Variants in RASSF6 observed in about 807,000 individuals in gnomAD.
RASSF6 encodes the protein ras association domain-containing protein 6.
Under a neutral mutation model 44.0 loss-of-function variants are expected in RASSF6, and 52 were observed. The observed-to-expected ratio is 1.18, with a 90% confidence interval of 0.95 to 1.49. The LOEUF (loss-of-function observed/expected upper bound fraction) is 1.49. Among genes scored for constraint, RASSF6 ranks in the 40% most tolerant of loss-of-function variants. The pLI, the probability that RASSF6 is intolerant of heterozygous loss-of-function variation, is 0.00. For missense variants in RASSF6, 464 were observed against 393.3 expected, an observed-to-expected ratio of 1.18 and a Z score of -1.52; for synonymous variants, 162 against 124.6, an observed-to-expected ratio of 1.30 and a Z score of -2.00.
chr4:73,617,377 T>A (rs1248932364), intron 1 of RASSF6, among the ~76,000 whole-genome samples: 6 of 152,152 alleles, frequency 3.9e-5, no homozygotes, highest in Non-Finnish European at 8.8e-5. Flanking sequence ...AGAAGCAAAT[T>A]TGTATTAAGG....
At chr4:73,599,646 C>G (rs1422985586) in intron 2 of RASSF6, among the ~76,000 whole-genome samples, 1 of 152,124 alleles carries the variant, frequency 6.6e-6, no homozygotes, top group Non-Finnish European at 1.5e-5. Flanking sequence ...TTGAGATGCT[C>G]CTCTTGAGAT....
rs76383914 is a variant in RASSF6, at chr4:73,597,883, T to A, written c.144+757A>T. On this transcript the variant is annotated intron_variant, in intron 3 of 10. Transcript: ENST00000307439. Reference sequence around the variant, plus strand: ...TGCAGGTATAGAAAACCTAATACTGTTTGCTTTCACTTATAAGTGGGAGCT... The same window carrying A: ...TGCAGGTATAGAAAACCTAATACTGATTGCTTTCACTTATAAGTGGGAGCT... Among the ~76,000 whole-genome samples, 226 of 152,236 alleles carry A rather than the reference T, an allele frequency of 1.5e-3. 5 individuals carry two copies. The East Asian group carries it at 0.039, about 26-fold the overall frequency.
At chr4:73,594,263 G>T (rs1015916336) in intron 3 of RASSF6, among the ~76,000 whole-genome samples, 1 of 152,152 alleles carries the variant, frequency 6.6e-6, no homozygotes, top group Non-Finnish European at 1.5e-5. Context: ...TTAAAGTAAT[G>T]TTTTCTGTTA....
At chr4:73,583,660 A>G (rs1348700423) in intron 6 of RASSF6, among the ~76,000 whole-genome samples, 64 of 152,130 alleles carry the variant, frequency 4.2e-4, no homozygotes, top group Non-Finnish European at 1.0e-4. Flanking sequence ...GTTTTCTGCT[A>G]GTTATTAAAT....
Position 73,576,627 on chromosome 4 carries a change from C to G in RASSF6, c.826G>C (p.Glu276Gln), listed in dbSNP as rs1189877342. The G allele has an allele frequency of 6.2e-7, 1 of 1,612,610 alleles. No individual in the cohort carries two copies. The highest frequency in any genetic ancestry group is 8.5e-7 in the Non-Finnish European group (1 of 1,178,766). ...GGTATTCATACATCACTGCTAATTT[C>G]TTCTGCATCTTTATCCATGAGGAAA... ...RIFLMDKDAEEISSDVAQYIN... is the reference protein window; with the variant it reads ...RIFLMDKDAEQISSDVAQYIN... The change falls in exon 9 of 11, where the codon GAA becomes CAA. Residue 276 changes from glutamate to glutamine, a missense_variant. Coordinates refer to ENST00000307439, the MANE Select transcript of RASSF6 (RefSeq NM_177532.5).
rs1723705992 is a variant in RASSF6, at chr4:73,582,196, T to TACC, written c.661_662insGGT (p.Lys221delinsArgTer). ...TTAAGTGATAAAGGTTACCTTAAAT[T>TACC]TTTGGAGAAGTTGCTTTATTACTTC... On this transcript the variant is annotated stop_gained and protein_altering_variant, in exon 7 of 11. Coordinates refer to ENST00000307439, the MANE Select transcript of RASSF6 (RefSeq NM_177532.5). LOFTEE classifies it high-confidence loss of function. 6.6e-7 allele frequency: 1 copy of TACC among 1,517,280 alleles called. No individual in the cohort carries two copies. Among genetic ancestry groups the TACC allele is most frequent in the South Asian group, 1.2e-5 (1 of 84,772 alleles). 94.0% of individuals were successfully genotyped at this position (1,517,280 alleles called of 1,614,324 possible). A position where few individuals can be genotyped will look rare whatever the true frequency, so the allele number is the denominator to read the frequency against.
rs1267146738 is a variant in RASSF6, at chr4:73,583,683, C to A, written c.568-1393G>T. ...CTAGTTATTAAATTGCAGTGAATGACATTTGTGTAAAATATCTATAGTCCC... is the reference window on the plus strand; with the variant it reads ...CTAGTTATTAAATTGCAGTGAATGAAATTTGTGTAAAATATCTATAGTCCC... On this transcript the variant is annotated intron_variant, in intron 6 of 10. Coordinates refer to ENST00000307439, the MANE Select transcript of RASSF6 (RefSeq NM_177532.5). Among the ~76,000 whole-genome samples, 4 of 152,068 alleles carry A rather than the reference C, an allele frequency of 2.6e-5. No homozygotes were observed. The East Asian group carries it at 7.7e-4, about 29-fold the overall frequency.
chr4:73,575,372 A>C lies in RASSF6; in HGVS notation c.*863T>G, dbSNP rs1723143111. 6.6e-6 allele frequency: 1 copy of C among 152,016 alleles called. No homozygotes were observed. The highest frequency in any genetic ancestry group is 2.1e-4 in the South Asian group (1 of 4,822). The allele number at this position is 152,016 out of a possible 1,614,324, so 9.4% of individuals were successfully genotyped here. On this transcript the variant is annotated 3_prime_UTR_variant, in exon 11 of 11. Coordinates refer to ENST00000307439, the MANE Select transcript of RASSF6 (RefSeq NM_177532.5). The stretch of plus-strand genomic sequence containing the variant: ...TTGTCATGTAGAATAAGATGCTAAG[A>C]GGGCAGAGTTTGGGATTCCCTATGT...
chr4:73,586,260 A>C (rs1053283252), intron 5 of RASSF6, among the ~76,000 whole-genome samples: 2 of 151,894 alleles, frequency 1.3e-5, no homozygotes, highest in Non-Finnish European at 2.9e-5. Flanking sequence ...GTTGTCCACT[A>C]TCCTATTATT....
At chr4:73,583,355 T>C (rs1055654168) in intron 6 of RASSF6, among the ~76,000 whole-genome samples, 2 of 152,180 alleles carry the variant, frequency 1.3e-5, no homozygotes, top group Non-Finnish European at 2.9e-5. Flanking sequence ...TTTATATCAG[T>C]TGTGTTGGCC....
At chr4:73,607,778 C>G (rs1725739751) in intron 2 of RASSF6, among the ~76,000 whole-genome samples, 1 of 152,102 alleles carries the variant, frequency 6.6e-6, no homozygotes, top group Admixed American at 6.6e-5. Context: ...TGAGCTACAG[C>G]TTCAGATTGC....
At position 73,582,300 on chromosome 4, in the gene RASSF6, G is replaced by T. The variant is rs750572992; in HGVS notation, c.568-10C>A. The T allele has an allele frequency of 2.8e-6, 4 of 1,419,094 alleles. No individual in the cohort carries two copies. The highest frequency in any genetic ancestry group is 3.9e-6 in the Non-Finnish European group (4 of 1,015,382). The allele number at this position is 1,419,094 out of a possible 1,614,324, so 87.9% of individuals were successfully genotyped here. On this transcript the variant is annotated splice_polypyrimidine_tract_variant and intron_variant, in intron 6 of 10. Coordinates refer to ENST00000307439, the MANE Select transcript of RASSF6 (RefSeq NM_177532.5). ...GAATGAAAATTGATGTCTAGAAAAA[G>T]AATTGTCACATAAGTCTTTAAAATT...
At position 73,615,178 on chromosome 4, in the gene RASSF6, CAAAAAAAAA is replaced by C. The variant is rs59463389; in HGVS notation, c.-34-3358_-34-3350del. On this transcript the variant is annotated intron_variant, in intron 1 of 10. Transcript: ENST00000307439. ...TGGGTGATAGAGTGTGACTCTGTCT[CAAAAAAAAA>C]AAAAAAAAAAGAGCAAAACAAATAA... Among the ~76,000 whole-genome samples, 180 of 77,002 alleles carry C rather than the reference CAAAAAAAAA, an allele frequency of 2.3e-3. 2 individuals carry two copies. The highest frequency in any genetic ancestry group is 7.0e-3 in the African/African-American group (145 of 20,624). 50.5% of individuals were successfully genotyped at this position (77,002 alleles called of 152,430 possible).
chr4:73,580,737 A>G (rs1723572502), intron 8 of RASSF6, among the ~76,000 whole-genome samples: 2 of 133,000 alleles, frequency 1.5e-5, no homozygotes, highest in African/African-American at 5.4e-5. Flanking sequence ...TTTTTCTTGT[A>G]AATTTGTTTG....
At position 73,593,524 on chromosome 4, in the gene RASSF6, G is replaced by A. The variant is rs1724724020; in HGVS notation, c.214C>T (p.Leu72=). The A allele has an allele frequency of 1.9e-6, 3 of 1,613,502 alleles. No homozygotes were observed. The highest frequency in any genetic ancestry group is 8.5e-7 in the Non-Finnish European group (1 of 1,179,660). The change falls in exon 4 of 11, where the codon CTA becomes TTA. Residue 72 remains leucine, a synonymous_variant. Transcript: ENST00000307439. ...AATGGCTTCTCATCTTGTATTTTTA[G>A]CTGTATAGGTCGTTTTACTCCCCAG... ...IFWGVKRPIQ[L]KIQDEKPFSS...
At chr4:73,607,744 G>T (rs1179239414) in intron 2 of RASSF6, among the ~76,000 whole-genome samples, 6 of 151,656 alleles carry the variant, frequency 4.0e-5, no homozygotes, top group Non-Finnish European at 8.8e-5. Flanking sequence ...AACCCTCCAG[G>T]TGGTTCTGCT....
At chr4:73,607,922 C>A in intron 2 of RASSF6, among the ~76,000 whole-genome samples, 1 of 84,526 alleles carries the variant, frequency 1.2e-5, no homozygotes. Flanking sequence ...ACTCTTCTTC[C>A]TCTCCCCTTC....
chr4:73,602,782 C>T lies in RASSF6; in HGVS notation c.66-4064G>A, dbSNP rs115433750. Among the ~76,000 whole-genome samples, 1,426 of 152,240 alleles carry T rather than the reference C, an allele frequency of 9.4e-3. 13 individuals carry two copies. The highest frequency in any genetic ancestry group is 0.014 in the Non-Finnish European group (982 of 68,012). The stretch of plus-strand genomic sequence containing the variant: ...TTACAAGTCTGTGATGTCCAAGGCA[C>T]GCCCAAGAAATAGACACAAGTTTCG... On this transcript the variant is annotated intron_variant, in intron 2 of 10. Transcript: ENST00000307439.
At position 73,588,782 on chromosome 4, in the gene RASSF6, T is replaced by TATCATC. The variant is rs1560446393; in HGVS notation, c.288-849_288-848insGATGAT. ...TAATTATAATTATCCTCATCTCCAT[T>TATCATC]GTCATCATCATCATCATCATCATCA... On this transcript the variant is annotated intron_variant, in intron 4 of 10. Transcript: ENST00000307439. 3.2e-4 allele frequency among the ~76,000 whole-genome samples: 9 copies of TATCATC among 28,362 alleles called. No individual in the cohort carries two copies. In the South Asian group the frequency reaches 6.7e-3, roughly 21 times the overall value. 18.6% of individuals were successfully genotyped at this position (28,362 alleles called of 152,430 possible).
Sources: gnomAD v4.1 joint callset for allele counts (sites outside exome capture counted in the v4.1 genomes callset) on GRCh38, gnomAD v4.1.1 for gene constraint, MANE v1.5 for transcripts, NCBI Gene and HGNC (gene_info 2026-07-23, HGNC 2026-07-21) for gene names.